Variants in INPP4B observed in about 807,000 individuals in gnomAD.
The protein encoded by INPP4B is inositol polyphosphate-4-phosphatase type II B, also known as inositol polyphosphate 4-phosphatase type II.
In INPP4B, 55 loss-of-function variants were observed where a neutral mutation model predicts 122.5. The ratio of observed to expected loss-of-function variants is 0.45; its 90% CI spans 0.36 to 0.56. The LOEUF is 0.56. INPP4B is among the 20% of genes least tolerant of loss of function. The pLI is 0.00. For synonymous variants in INPP4B, 403 were observed against 388.7 expected, an observed-to-expected ratio of 1.04 and a Z score of -0.43; for missense variants, 1,000 against 1,097.7, an observed-to-expected ratio of 0.91 and a Z score of 1.26.
chr4:142,078,043 G>A (rs1425921501), intron 25 of INPP4B, among the ~76,000 whole-genome samples: 1 of 151,734 alleles, frequency 6.6e-6, no homozygotes, highest in Non-Finnish European at 1.5e-5. Flanking sequence ...CAACCACTAA[G>A]AGATCCTTAG....
At chr4:142,273,125 T>C (rs1329169008) in intron 9 of INPP4B, among the ~76,000 whole-genome samples, 6 of 151,984 alleles carry the variant, frequency 3.9e-5, no homozygotes, top group Admixed American at 3.9e-4. Context: ...GATTTTCTTA[T>C]TTGTAAAATG....
chr4:142,326,300 G>C (rs1340886661), intron 7 of INPP4B, among the ~76,000 whole-genome samples: 1 of 152,180 alleles, frequency 6.6e-6, no homozygotes, highest in African/African-American at 2.4e-5. Flanking sequence ...TAAGTGGTAA[G>C]GGATGTTTAC....
At chr4:142,733,624 G>A (rs1766408585) in intron 1 of INPP4B, among the ~76,000 whole-genome samples, 2 of 152,112 alleles carry the variant, frequency 1.3e-5, no homozygotes, top group Admixed American at 6.6e-5. Flanking sequence ...AAAGATAATA[G>A]CAAGAGTTAG....
At chr4:142,585,541 T>A in intron 2 of INPP4B, among the ~76,000 whole-genome samples, 1 of 152,144 alleles carries the variant, frequency 6.6e-6, no homozygotes, top group East Asian at 1.9e-4. Flanking sequence ...TGAGGCATTT[T>A]CAAAGCTATG....
At chr4:142,373,447 A>C (rs1790657361) in intron 7 of INPP4B, among the ~76,000 whole-genome samples, 1 of 152,026 alleles carries the variant, frequency 6.6e-6, no homozygotes. Flanking sequence ...TGTCATTTCT[A>C]GTCATCTTAG....
chr4:142,290,965 ATATTAT>A (rs969080529), intron 9 of INPP4B, among the ~76,000 whole-genome samples: 3 of 152,142 alleles, frequency 2.0e-5, no homozygotes, highest in Non-Finnish European at 4.4e-5. Flanking sequence ...TTTTTTGAAC[ATATTAT>A]TATTATTTTT....
chr4:142,665,934 A>G (rs1755969825), intron 2 of INPP4B, among the ~76,000 whole-genome samples: 1 of 152,290 alleles, frequency 6.6e-6, no homozygotes. Context: ...ATAAGGTTTA[A>G]TTTATAAACA....
chr4:142,636,849 A>G (rs1257690074), intron 2 of INPP4B, among the ~76,000 whole-genome samples: 1 of 151,978 alleles, frequency 6.6e-6, no homozygotes, highest in Non-Finnish European at 1.5e-5. Context: ...TTATCTTTAA[A>G]TTTTTATAAA....
At chr4:142,670,126 G>C (rs186365533) in intron 2 of INPP4B, among the ~76,000 whole-genome samples, 126 of 152,208 alleles carry the variant, frequency 8.3e-4, no homozygotes, top group African/African-American at 2.9e-3. Context: ...AATCACTTAA[G>C]AGTCACCTAG....
At chr4:142,342,178 G>GC (rs1329408121) in intron 7 of INPP4B, among the ~76,000 whole-genome samples, 1 of 152,064 alleles carries the variant, frequency 6.6e-6, no homozygotes, top group Non-Finnish European at 1.5e-5. Context: ...CATACATACA[G>GC]CCCAGGACCT....
Position 142,483,182 on chromosome 4 carries a change from C to CTTTTTTTTTTTTTTTTTTTTTTT in INPP4B, c.-190-20479_-190-20457dup, listed in dbSNP as rs5862604. 1.4e-4 allele frequency among the ~76,000 whole-genome samples: 7 copies of CTTTTTTTTTTTTTTTTTTTTTTT among 48,334 alleles called. 1 individual carries two copies. Among genetic ancestry groups the CTTTTTTTTTTTTTTTTTTTTTTT allele is most frequent in the East Asian group, 6.8e-4 (1 of 1,464 alleles). The allele number at this position is 48,334 out of a possible 152,430, so 31.7% of individuals were successfully genotyped here. A position where few individuals can be genotyped will look rare whatever the true frequency, so the allele number is the denominator to read the frequency against. On this transcript the variant is annotated intron_variant, in intron 2 of 25. Transcript: ENST00000262992. ...TAATAATGACTGGAGTCAGGCTATG[C>CTTTTTTTTTTTTTTTTTTTTTTT]TTTTTTTTTTTTTTTTTTTTTTTTT...
intron 2 of INPP4B, among the ~76,000 whole-genome samples, chr4:142,706,701 T>G (rs1326807668): frequency 1.3e-5 from 2 of 152,264 alleles, no homozygotes; most frequent in East Asian, 3.8e-4. Context: ...GATCTCACAT[T>G]CATACACCTA....
chr4:142,098,280 G>C (rs1782886170), intron 23 of INPP4B, among the ~76,000 whole-genome samples: 1 of 151,924 alleles, frequency 6.6e-6, no homozygotes, highest in African/African-American at 2.4e-5. Flanking sequence ...AGGATCAAAG[G>C]GGTTGACTGT....
chr4:142,131,267 C>CTGA (rs1482833151), intron 18 of INPP4B, among the ~76,000 whole-genome samples: 1 of 152,134 alleles, frequency 6.6e-6, no homozygotes, highest in Non-Finnish European at 1.5e-5. Context: ...CAGTGAGCTC[C>CTGA]TGTCATTTAA....
Position 142,026,820 on chromosome 4 carries a change from A to C in INPP4B, c.*1962T>G. 6.6e-6 allele frequency: 1 copy of C among 152,326 alleles called. No individual in the cohort carries two copies. The highest frequency in any genetic ancestry group is 3.4e-3 in the Middle Eastern group (1 of 294). 9.4% of individuals were successfully genotyped at this position (152,326 alleles called of 1,614,324 possible). A position where few individuals can be genotyped will look rare whatever the true frequency, so the allele number is the denominator to read the frequency against. On this transcript the variant is annotated 3_prime_UTR_variant, in exon 26 of 26. Coordinates refer to ENST00000262992, the MANE Select transcript of INPP4B (RefSeq NM_001101669.3). ...AGTTAATATTTTTCCATATTTAAGTAGTTTGTTTTCAAAAATACAAATAAA... is the reference window on the plus strand; with the variant it reads ...AGTTAATATTTTTCCATATTTAAGTCGTTTGTTTTCAAAAATACAAATAAA...
chr4:142,239,611 T>C (rs946873725), intron 11 of INPP4B, among the ~76,000 whole-genome samples: 4 of 152,132 alleles, frequency 2.6e-5, no homozygotes, highest in African/African-American at 7.2e-5. Flanking sequence ...TTCAAAGATA[T>C]AAGAATTTGA....
chr4:142,257,523 C>A (rs1425919946), intron 11 of INPP4B, among the ~76,000 whole-genome samples: 3 of 152,050 alleles, frequency 2.0e-5, no homozygotes, highest in Non-Finnish European at 4.4e-5. Flanking sequence ...GATACAAAAT[C>A]AATGTACAAA....
intron 18 of INPP4B, among the ~76,000 whole-genome samples, chr4:142,128,354 CACACACACACACACACACACACACAT>C (rs1037757883): frequency 4.4e-5 from 5 of 114,430 alleles, no homozygotes; most frequent in African/African-American, 1.9e-4. Flanking sequence ...CACACACACA[CACACACACACACACACACACACACAT>C]ACACACACAT....
chr4:142,343,832 C>T (rs999829968), intron 7 of INPP4B, among the ~76,000 whole-genome samples: 6 of 151,976 alleles, frequency 3.9e-5, no homozygotes, highest in African/African-American at 9.7e-5. Context: ...CCATTTTTTA[C>T]ACCACTCCTT....
Sources: allele counts gnomAD v4.1 joint callset (sites outside exome capture counted in the v4.1 genomes callset), GRCh38; gene constraint gnomAD v4.1.1; transcripts MANE v1.5; gene names NCBI Gene and HGNC (gene_info 2026-07-23, HGNC 2026-07-21).